Variants in CYP4Z1 observed in about 807,000 individuals in gnomAD.
CYP4Z1 encodes cytochrome P450 family 4 subfamily Z member 1.
CYP4Z1 carries 41 observed loss-of-function variants against 54.2 expected under a neutral mutation model. The observed-to-expected ratio is 0.76, with a 90% confidence interval of 0.59 to 0.98. The LOEUF (loss-of-function observed/expected upper bound fraction) is 0.98. Among genes scored for constraint, CYP4Z1 ranks in the 50% least tolerant of loss-of-function variants. The pLI is 0.00. For missense variants in CYP4Z1, 513 were observed against 599.0 expected (o/e 0.86, Z 1.50); for synonymous variants, 163 against 206.2 (o/e 0.79, Z 1.79).
chr1:47,067,868 A>G (rs1326253024), intron 1 of CYP4Z1, among the ~76,000 whole-genome samples: 1 of 152,186 alleles, frequency 6.6e-6, no homozygotes, highest in African/African-American at 2.4e-5. Context: ...TGAAGCCTAA[A>G]ATAGAAATGC....
chr1:47,089,669 T>A (rs1304705165), intron 6 of CYP4Z1, among the ~76,000 whole-genome samples: 1 of 152,216 alleles, frequency 6.6e-6, no homozygotes, highest in East Asian at 1.9e-4. Flanking sequence ...CTTGTAAAAT[T>A]TATCTCTTTT....
chr1:47,094,266 T>C (rs1328622922), intron 6 of CYP4Z1, among the ~76,000 whole-genome samples: 1 of 152,142 alleles, frequency 6.6e-6, no homozygotes, highest in Non-Finnish European at 1.5e-5. Context: ...ACCTTTGAAT[T>C]AAATTTATGT....
In CYP4Z1 at chr1:47,067,501, C is replaced by A; in HGVS notation, c.11C>A (p.Ser4Tyr). 8.1e-6 allele frequency: 13 copies of A among 1,609,196 alleles called. No individual in the cohort carries two copies. The highest frequency in any genetic ancestry group is 1.1e-5 in the Non-Finnish European group (13 of 1,177,274). The change falls in exon 1 of 12, where the codon TCC becomes TAC. Residue 4 changes from serine (S) to tyrosine (Y), a missense_variant. Transcript: ENST00000334194. MEP[S>Y]WLQELMAHPF... ...GGACCTCTGAGAAGAATGGAGCCCT[C>A]CTGGCTTCAGGAACTCATGGCTCAC...
At chr1:47,106,292 A>G (rs748822380) in intron 9 of CYP4Z1, 31 bp downstream of exon 9, 33 of 1,590,936 alleles carry the variant, frequency 2.1e-5, no homozygotes, top group African/African-American at 6.8e-5. Context: ...TTTTTTAACA[A>G]TGCAGCTGTG....
At chr1:47,111,396 G>A (rs1436289589) in intron 9 of CYP4Z1, among the ~76,000 whole-genome samples, 3 of 152,082 alleles carry the variant, frequency 2.0e-5, no homozygotes, top group Non-Finnish European at 2.9e-5. Flanking sequence ...TGTTAGCCAC[G>A]ATGGTCTCAG....
chr1:47,069,686 G>C (rs1016675656), intron 2 of CYP4Z1, among the ~76,000 whole-genome samples: 1 of 151,914 alleles, frequency 6.6e-6, no homozygotes, highest in African/African-American at 2.4e-5. Flanking sequence ...ACTCCCTTGA[G>C]AAGGGAGGCT....
chr1:47,110,917 A>C (rs543166383), intron 9 of CYP4Z1, among the ~76,000 whole-genome samples: 9 of 151,744 alleles, frequency 5.9e-5, no homozygotes, highest in African/African-American at 2.2e-4. Context: ...ATTAGCTAGC[A>C]ATATGTGGAT....
At chr1:47,115,670 G>C in intron 10 of CYP4Z1, 77 bp downstream of exon 10, 2 of 1,327,078 alleles carry the variant, frequency 1.5e-6, no homozygotes, top group Non-Finnish European at 2.1e-6. Flanking sequence ...ACAGTTGAGA[G>C]AGCAGTTAGG....
intron 4 of CYP4Z1, among the ~76,000 whole-genome samples, chr1:47,083,662 A>G (rs1379456406): frequency 7.3e-5 from 11 of 151,250 alleles, no homozygotes; most frequent in African/African-American, 2.0e-4. Flanking sequence ...GGCAGATTAG[A>G]GGAAGAGTTG....
At position 47,110,330 on chromosome 1, in the gene CYP4Z1, A is replaced by G. The variant is rs531383846; in HGVS notation, c.1201+4069A>G. 3.6e-4 allele frequency among the ~76,000 whole-genome samples: 54 copies of G among 150,406 alleles called. 2 individuals are homozygous for G. In the South Asian group the frequency reaches 9.7e-3, roughly 27 times the overall value. On this transcript the variant is annotated intron_variant, in intron 9 of 11. Transcript: ENST00000334194. ...TCATGGGAGAGATCCATGGCAATCA[A>G]CTAGACACTGGCTGTAAGCTAGAGC...
intron 7 of CYP4Z1, among the ~76,000 whole-genome samples, chr1:47,098,085 G>A (rs1644691470): frequency 6.6e-6 from 1 of 152,054 alleles, no homozygotes; most frequent in Admixed American, 6.6e-5. Context: ...CCAAAGTGCT[G>A]GGATTACAAG....
At chr1:47,076,844 CAAAAAA>C (rs59854360) in intron 2 of CYP4Z1, among the ~76,000 whole-genome samples, 4 of 81,428 alleles carry the variant, frequency 4.9e-5, no homozygotes, top group African/African-American at 9.2e-5. Context: ...GACGCTGTCT[CAAAAAA>C]AAAAAAAAAA....
intron 10 of CYP4Z1, among the ~76,000 whole-genome samples, chr1:47,116,231 T>G (rs1305482935): frequency 6.6e-6 from 1 of 152,172 alleles, no homozygotes; most frequent in Non-Finnish European, 1.5e-5. Context: ...CACCCCTTTT[T>G]TCTTTGCCCA....
At chr1:47,089,581 C>T (rs959982097) in intron 6 of CYP4Z1, among the ~76,000 whole-genome samples, 1 of 152,226 alleles carries the variant, frequency 6.6e-6, no homozygotes, top group African/African-American at 2.4e-5. Context: ...AGGTATCAAA[C>T]TCTGTTATGG....
chr1:47,111,972 G>A (rs1644794837), intron 9 of CYP4Z1, among the ~76,000 whole-genome samples: 1 of 152,128 alleles, frequency 6.6e-6, no homozygotes, highest in African/African-American at 2.4e-5. Flanking sequence ...TCATTCAGAA[G>A]AGAAGCTATA....
intron 6 of CYP4Z1, among the ~76,000 whole-genome samples, chr1:47,087,152 G>C (rs1644601979): frequency 6.6e-6 from 1 of 152,070 alleles, no homozygotes; most frequent in African/African-American, 2.4e-5. Flanking sequence ...TGTTCTTTTG[G>C]CTTACAATTG....
chr1:47,077,615 T>C (rs1644534751), intron 2 of CYP4Z1, among the ~76,000 whole-genome samples: 1 of 152,008 alleles, frequency 6.6e-6, no homozygotes, highest in Admixed American at 6.6e-5. Context: ...GTTTGTTTTT[T>C]ATATGTCTTA....
intron 4 of CYP4Z1, among the ~76,000 whole-genome samples, chr1:47,084,213 A>G (rs1644575593): frequency 6.6e-6 from 1 of 152,228 alleles, no homozygotes; most frequent in East Asian, 1.9e-4. Context: ...CTGGGAAAAA[A>G]CTTGTCAAGT....
Position 47,105,516 on chromosome 1 carries a change from T to G in CYP4Z1, c.1068-612T>G, listed in dbSNP as rs143779746. Among the ~76,000 whole-genome samples, 697 of 152,256 alleles carry G rather than the reference T, an allele frequency of 4.6e-3. 3 individuals carry two copies. Among genetic ancestry groups the G allele is most frequent in the South Asian group, 0.024 (118 of 4,818 alleles). ...CACTGGAGGGCTCTCACTTATTCTT[T>G]TCCCAAATTAAAGAGCTTCTCCAGA... On this transcript the variant is annotated intron_variant, in intron 8 of 11. Coordinates refer to ENST00000334194, the MANE Select transcript of CYP4Z1 (RefSeq NM_178134.3).
Sources: gnomAD v4.1 joint callset for allele counts (sites outside exome capture counted in the v4.1 genomes callset) on GRCh38, gnomAD v4.1.1 for gene constraint, MANE v1.5 for transcripts, NCBI Gene and HGNC (gene_info 2026-07-23, HGNC 2026-07-21) for gene names.